The following NBEA variants were observed in gnomAD, a reference collection of about 807,000 sequenced individuals.
The protein encoded by NBEA is lysosomal-trafficking regulator 2.
NBEA carries 44 observed loss-of-function variants against 343.4 expected under a neutral mutation model. The ratio of observed to expected loss-of-function variants is 0.13; its 90% CI spans 0.10 to 0.16. The LOEUF is 0.16. NBEA is among the 10% of genes least tolerant of loss of function. NBEA has a pLI of 1.00. For synonymous variants in NBEA, 1,175 were observed against 1,238.7 expected, an observed-to-expected ratio of 0.95 and a Z score of 1.08; for missense variants, 2,555 against 3,631.3, an observed-to-expected ratio of 0.70 and a Z score of 7.62.
chr13:35,632,187 A>G (rs1363276663), intron 49 of NBEA, among the ~76,000 whole-genome samples: 1 of 152,204 alleles, frequency 6.6e-6, no homozygotes, highest in East Asian at 1.9e-4. Context: ...AATAAAAAGT[A>G]TATGATCTGA....
At chr13:35,529,468 G>A (rs2078150536) in intron 41 of NBEA, among the ~76,000 whole-genome samples, 1 of 152,104 alleles carries the variant, frequency 6.6e-6, no homozygotes, top group Admixed American at 6.5e-5. Context: ...TTACCCTATG[G>A]AAAATGTTAG....
At chr13:35,550,893 G>A (rs890089878) in intron 42 of NBEA, 37 bp from the exon 43 acceptor site, 14 of 1,297,804 alleles carry the variant, frequency 1.1e-5, no homozygotes, top group South Asian at 2.5e-5. Flanking sequence ...CTTATCCTGC[G>A]GTTTTCTAAA....
At chr13:35,507,589 C>CT in intron 41 of NBEA, among the ~76,000 whole-genome samples, 1 of 152,238 alleles carries the variant, frequency 6.6e-6, no homozygotes, top group East Asian at 1.9e-4. Flanking sequence ...CCTTTCAGCT[C>CT]TTTCAATCCA....
At chr13:35,259,400 A>G (rs2032997559) in intron 34 of NBEA, among the ~76,000 whole-genome samples, 1 of 152,140 alleles carries the variant, frequency 6.6e-6, no homozygotes, top group African/African-American at 2.4e-5. Flanking sequence ...ATTTCTGCCT[A>G]ACTAGCAGTG....
At chr13:35,299,793 C>G (rs2036411679) in intron 35 of NBEA, among the ~76,000 whole-genome samples, 2 of 152,112 alleles carry the variant, frequency 1.3e-5, no homozygotes, top group African/African-American at 4.8e-5. Flanking sequence ...TAAAATATAC[C>G]TTTTTCCTGT....
intron 21 of NBEA, among the ~76,000 whole-genome samples, chr13:35,157,802 A>G (rs1256177177): frequency 6.6e-6 from 1 of 152,102 alleles, no homozygotes; most frequent in East Asian, 1.9e-4. Context: ...GTATATACAC[A>G]TTAGATTCTG....
At chr13:35,188,336 C>T (rs2071885680) in intron 30 of NBEA, among the ~76,000 whole-genome samples, 1 of 151,724 alleles carries the variant, frequency 6.6e-6, no homozygotes, top group African/African-American at 2.4e-5. Flanking sequence ...AGTCACCATG[C>T]TGGAAAATAG....
chr13:35,558,635 C>A (rs1256224139), intron 44 of NBEA, among the ~76,000 whole-genome samples: 1 of 152,158 alleles, frequency 6.6e-6, no homozygotes, highest in African/African-American at 2.4e-5. Context: ...ACCTTGGAGA[C>A]CTGTTAGAGA....
intron 34 of NBEA, chr13:35,250,950 T>C (rs1032288719): frequency 1.3e-5 from 2 of 152,274 alleles, no homozygotes; most frequent in African/African-American, 4.8e-5. Flanking sequence ...ACAGTAGTTA[T>C]TACATCTAGG....
chr13:35,297,014 A>G (rs1276446990), intron 35 of NBEA, among the ~76,000 whole-genome samples: 1 of 152,030 alleles, frequency 6.6e-6, no homozygotes, highest in East Asian at 1.9e-4. Flanking sequence ...AGCTTCCTCC[A>G]ATAGTAACAT....
Position 35,544,886 on chromosome 13 carries a change from A to G in NBEA, c.6586-5591A>G, listed in dbSNP as rs553078099. Among the ~76,000 whole-genome samples, 149 of 152,296 alleles carry G rather than the reference A, an allele frequency of 9.8e-4. 1 individual carries two copies. The highest frequency in any genetic ancestry group is 3.4e-3 in the African/African-American group (142 of 41,580). On this transcript the variant is annotated intron_variant, in intron 41 of 58. Transcript: ENST00000379939. ...ATTCAGTTCTCAAAAATGAAACTGG[A>G]TGGGATAGTATTTGTTGATTAGATT...
At chr13:35,579,383 T>A (rs188481592) in intron 45 of NBEA, among the ~76,000 whole-genome samples, 23 of 152,270 alleles carry the variant, frequency 1.5e-4, no homozygotes, top group Admixed American at 2.0e-4. Context: ...TTTATTTATA[T>A]AATTTTTGTG....
intron 2 of NBEA, among the ~76,000 whole-genome samples, chr13:35,042,401 A>G (rs17370338): frequency 0.016 from 2,421 of 151,950 alleles, 66 homozygotes; most frequent in African/African-American, 0.05. Context: ...TTATTAATAT[A>G]GACTTACATG....
At chr13:34,997,416 G>A (rs751464759) in intron 1 of NBEA, among the ~76,000 whole-genome samples, 7 of 152,030 alleles carry the variant, frequency 4.6e-5, no homozygotes, top group Non-Finnish European at 1.0e-4. Context: ...ATTGATATAT[G>A]AACTCATTCT....
In NBEA at chr13:35,199,755, G is replaced by A. The variant is rs988046842; in HGVS notation, c.5366+3453G>A. On this transcript the variant is annotated intron_variant, in intron 31 of 58. Transcript: ENST00000379939. ...GTTTTGAAGTTTATAATAAAAAATT[G>A]CAACATCAAATTCTTAGAAACATTT... Among the ~76,000 whole-genome samples the A allele has an allele frequency of 2.6e-5, 4 of 152,088 alleles. No homozygotes were observed. The South Asian group carries it at 6.2e-4, about 24-fold the overall frequency.
At chr13:34,985,938 T>G (rs2060528752) in intron 1 of NBEA, among the ~76,000 whole-genome samples, 1 of 150,846 alleles carries the variant, frequency 6.6e-6, no homozygotes, top group Non-Finnish European at 1.5e-5. Context: ...TCTTCTTTAT[T>G]AGTCTTGCTA....
chr13:35,350,719 G>C (rs1362932721), intron 37 of NBEA, among the ~76,000 whole-genome samples: 2 of 145,432 alleles, frequency 1.4e-5, no homozygotes, highest in Non-Finnish European at 3.0e-5. Flanking sequence ...TTTTGGGTTA[G>C]AGCTATTGAT....
chr13:35,504,172 C>T (rs1456872619), intron 41 of NBEA, among the ~76,000 whole-genome samples: 1 of 152,054 alleles, frequency 6.6e-6, no homozygotes, highest in Non-Finnish European at 1.5e-5. Flanking sequence ...ATTTTAAAAC[C>T]AGAATGTGGA....
intron 27 of NBEA, 30 bp downstream of exon 27, chr13:35,173,624 T>C: frequency 6.3e-7 from 1 of 1,581,376 alleles, no homozygotes; most frequent in Admixed American, 1.8e-5. Flanking sequence ...TGGCCAAATA[T>C]AATTTACCTG....
Sources: allele counts gnomAD v4.1 joint callset (sites outside exome capture counted in the v4.1 genomes callset), GRCh38; gene constraint gnomAD v4.1.1; transcripts MANE v1.5; gene names NCBI Gene and HGNC (gene_info 2026-07-23, HGNC 2026-07-21).